TPST1: variants seen among roughly 807,000 people sequenced by gnomAD.
The protein encoded by TPST1 is tyrosylprotein sulfotransferase 1, also known as protein-tyrosine sulfotransferase 1.
TPST1 carries 20 observed loss-of-function variants against 34.8 expected under a neutral mutation model. The observed-to-expected ratio is 0.57, with a 90% CI of 0.40 to 0.84. The LOEUF (loss-of-function observed/expected upper bound fraction) is 0.84. Ranked by LOEUF, TPST1 falls within the 40% of genes least tolerant of loss-of-function variation. The pLI is 0.00. For synonymous variants in TPST1, 152 were observed against 159.4 expected, an observed-to-expected ratio of 0.95 and a Z score of 0.35; for missense variants, 353 against 455.5, an observed-to-expected ratio of 0.78 and a Z score of 2.05.
At chr7:66,349,528 C>T (rs1218908072) in intron 3 of TPST1, among the ~76,000 whole-genome samples, 6 of 152,072 alleles carry the variant, frequency 3.9e-5, no homozygotes, top group African/African-American at 7.2e-5. Context: ...GCCAAGATTG[C>T]GCCATTGCAC....
chr7:66,269,294 TAAAAG>T, intron 2 of TPST1, among the ~76,000 whole-genome samples: 1 of 152,318 alleles, frequency 6.6e-6, no homozygotes, highest in African/African-American at 2.4e-5. Flanking sequence ...AGAAATTACA[TAAAAG>T]AAAACTTTAG....
intron 3 of TPST1, among the ~76,000 whole-genome samples, chr7:66,296,240 C>A (rs1791189563): frequency 9.5e-6 from 1 of 105,050 alleles, no homozygotes; most frequent in Non-Finnish European, 1.8e-5. Flanking sequence ...TAAAAAACAC[C>A]CACCCTTCCC....
Position 66,205,559 on chromosome 7 carries a change from C to T in TPST1, c.-102+37C>T, listed in dbSNP as rs1188571144. On this transcript the variant is annotated intron_variant, in intron 1 of 5. Coordinates refer to ENST00000304842, the MANE Select transcript of TPST1 (RefSeq NM_003596.4). This position sits in a 1 kb window ranked among gnomAD's most constrained non-coding sequence, Gnocchi z 5.0. The stretch of plus-strand genomic sequence containing the variant: ...GCGGCGCTCGCTGCGGCTCCGCTCC[C>T]CTCTCGTCTCCTCACACCCGGCCCT... The T allele has an allele frequency of 6.6e-6, 1 of 152,546 alleles. No individual in the cohort carries two copies. The highest frequency in any genetic ancestry group is 1.5e-5 in the Non-Finnish European group (1 of 68,358). The allele number at this position is 152,546 out of a possible 1,614,324, so 9.4% of individuals were successfully genotyped here.
At chr7:66,215,616 C>T (rs1204920070) in intron 1 of TPST1, among the ~76,000 whole-genome samples, 9 of 151,544 alleles carry the variant, frequency 5.9e-5, no homozygotes, top group East Asian at 1.9e-4. Flanking sequence ...CCTCGTGATC[C>T]GCCCGCGTCG....
At chr7:66,349,905 G>A (rs1792438088) in intron 3 of TPST1, among the ~76,000 whole-genome samples, 1 of 152,186 alleles carries the variant, frequency 6.6e-6, no homozygotes, top group Non-Finnish European at 1.5e-5. Flanking sequence ...CAGACAATAG[G>A]CAGGCAAAGT....
chr7:66,321,950 G>T (rs1791766033), intron 3 of TPST1, among the ~76,000 whole-genome samples: 1 of 152,088 alleles, frequency 6.6e-6, no homozygotes, highest in Admixed American at 6.6e-5. Context: ...TGATTTTTAG[G>T]AATTATTTAC....
intron 3 of TPST1, among the ~76,000 whole-genome samples, chr7:66,312,736 C>T (rs1791555970): frequency 6.6e-6 from 1 of 151,918 alleles, no homozygotes; most frequent in South Asian, 2.1e-4. Context: ...TACGAAAAAT[C>T]AAATTAATGA....
rs532914573 is a variant in TPST1 at position 66,307,340 on chromosome 7, G to A, written c.1044+20631G>A. Among the ~76,000 whole-genome samples, 6 of 150,626 alleles carry A rather than the reference G, an allele frequency of 4.0e-5. No homozygotes were observed. In the East Asian group the frequency reaches 1.0e-3, roughly 25 times the overall value. On this transcript the variant is annotated intron_variant, in intron 3 of 5. Coordinates refer to ENST00000304842, the MANE Select transcript of TPST1 (RefSeq NM_003596.4). ...TCACCGTGTTAGCCAGGATGGTCTC[G>A]ATCTCTTGACTTCGTGATCCGCCCG...
chr7:66,347,014 A>G (rs896943648), intron 3 of TPST1, among the ~76,000 whole-genome samples: 2 of 142,466 alleles, frequency 1.4e-5, no homozygotes, highest in Non-Finnish European at 3.1e-5. Context: ...ATGGCAAGAG[A>G]TAGGGGTCTA....
intron 1 of TPST1, among the ~76,000 whole-genome samples, chr7:66,212,522 T>C (rs1789285699): frequency 6.6e-6 from 1 of 151,448 alleles, no homozygotes; most frequent in Non-Finnish European, 1.5e-5. Flanking sequence ...TGCAATGATA[T>C]GATCTCGGCT....
At chr7:66,203,151 G>T (rs1489730255), upstream of TPST1, among the ~76,000 whole-genome samples, 16 of 151,874 alleles carry the variant, frequency 1.1e-4, no homozygotes. Context: ...CTATCTCTGT[G>T]TGTGTGTGTG....
intron 5 of TPST1, among the ~76,000 whole-genome samples, chr7:66,358,814 G>A (rs770242405): frequency 3.3e-5 from 5 of 152,194 alleles, no homozygotes; most frequent in Non-Finnish European, 5.9e-5. Flanking sequence ...CTCCCTGCCC[G>A]CCCCACCAAA....
rs771438145 is a variant in TPST1, at chr7:66,332,555, G to A, written c.1045-19950G>A. Among the ~76,000 whole-genome samples the A allele has an allele frequency of 3.3e-5, 5 of 152,152 alleles. No individual in the cohort carries two copies. Among genetic ancestry groups the A allele is most frequent in the African/African-American group, 4.8e-5 (2 of 41,428 alleles). ...CCCAAAGTGCTAGGATTACAGGCAT[G>A]AGCCAACATGCCTGGCCTGTTTACA... On this transcript the variant is annotated intron_variant, in intron 3 of 5. Coordinates refer to ENST00000304842, the MANE Select transcript of TPST1 (RefSeq NM_003596.4). This position sits in a 1 kb window ranked among gnomAD's most constrained non-coding sequence, Gnocchi z 4.5.
chr7:66,206,101 C>A (rs1198656646), intron 1 of TPST1, among the ~76,000 whole-genome samples: 1 of 150,248 alleles, frequency 6.7e-6, no homozygotes, highest in African/African-American at 2.5e-5. Flanking sequence ...CTTTCCCACT[C>A]TCTGCAATGC....
At chr7:66,329,004 C>T (rs1253172096) in intron 3 of TPST1, among the ~76,000 whole-genome samples, 3 of 146,384 alleles carry the variant, frequency 2.0e-5, no homozygotes, top group East Asian at 2.0e-4. Context: ...CTCAACCCCA[C>T]GGGCTCAAGC....
intron 3 of TPST1, among the ~76,000 whole-genome samples, chr7:66,334,309 A>G (rs1484639566): frequency 6.6e-6 from 1 of 151,998 alleles, no homozygotes; most frequent in African/African-American, 2.4e-5. Context: ...AATAAAAGAT[A>G]CCTGGCATCA....
chr7:66,318,137 G>A lies in TPST1; in HGVS notation c.1044+31428G>A, dbSNP rs751570497. Among the ~76,000 whole-genome samples the A allele has an allele frequency of 3.3e-5, 5 of 152,068 alleles. No homozygotes were observed. The South Asian group carries it at 8.3e-4, about 25-fold the overall frequency. On this transcript the variant is annotated intron_variant, in intron 3 of 5. Coordinates refer to ENST00000304842, the MANE Select transcript of TPST1 (RefSeq NM_003596.4). The stretch of plus-strand genomic sequence containing the variant: ...CATGCCATTGTACTCGAGCCTCGGC[G>A]ACAGAGCAAGACTCTTTCTCAAAAA...
At chr7:66,213,520 C>T (rs536337946) in intron 1 of TPST1, among the ~76,000 whole-genome samples, 2 of 152,200 alleles carry the variant, frequency 1.3e-5, no homozygotes, top group Admixed American at 6.5e-5. Flanking sequence ...CTTTGGGAGG[C>T]CGAGGCGGGC....
At chr7:66,253,870 A>G (rs773342426) in intron 2 of TPST1, among the ~76,000 whole-genome samples, 22 of 151,602 alleles carry the variant, frequency 1.5e-4, no homozygotes, top group Non-Finnish European at 3.1e-4. Flanking sequence ...AAACGCCATC[A>G]TTACCAAAAA....
Sources: allele counts gnomAD v4.1 joint callset (sites outside exome capture counted in the v4.1 genomes callset), GRCh38; gene constraint gnomAD v4.1.1; non-coding constraint Gnocchi (gnomAD v3.1); transcripts MANE v1.5; gene names NCBI Gene and HGNC (gene_info 2026-07-23, HGNC 2026-07-21).